The following CTIF variants were observed in gnomAD, a reference collection of about 807,000 sequenced individuals.
CTIF encodes cap binding complex dependent translation initiation factor.
A neutral mutation model predicts 66.0 loss-of-function variants in CTIF; 21 were observed. That is an observed-to-expected ratio of 0.32 (90% confidence interval 0.23 to 0.46). CTIF has a LOEUF of 0.46. CTIF is among the 20% of genes least tolerant of loss of function. The pLI is 1.00. For missense variants in CTIF, 739 were observed against 812.7 expected, an observed-to-expected ratio of 0.91 and a Z score of 1.10; for synonymous variants, 345 against 326.4, an observed-to-expected ratio of 1.06 and a Z score of -0.62.
intron 1 of CTIF, among the ~76,000 whole-genome samples, chr18:48,583,544 CT>C (rs1341178014): frequency 6.6e-6 from 1 of 152,200 alleles, no homozygotes; most frequent in Non-Finnish European, 1.5e-5. Flanking sequence ...CTGCTATGCA[CT>C]CTCCTCACTC....
intron 1 of CTIF, among the ~76,000 whole-genome samples, chr18:48,552,435 C>T (rs2088906844): frequency 6.6e-6 from 1 of 152,172 alleles, no homozygotes; most frequent in Non-Finnish European, 1.5e-5. Flanking sequence ...AGCTTATGAA[C>T]AGGAGAAACT....
At chr18:48,792,339 G>A (rs950833730) in intron 9 of CTIF, among the ~76,000 whole-genome samples, 4 of 152,192 alleles carry the variant, frequency 2.6e-5, no homozygotes, top group Non-Finnish European at 5.9e-5. Flanking sequence ...TCAGGTCAGC[G>A]GGATGCTGGG....
At chr18:48,704,723 G>A (rs897088328) in intron 6 of CTIF, among the ~76,000 whole-genome samples, 2 of 152,176 alleles carry the variant, frequency 1.3e-5, no homozygotes, top group Non-Finnish European at 2.9e-5. Context: ...CCCCACACAT[G>A]CACATTCCAA....
In CTIF at chr18:48,601,440, G is replaced by A. The variant is rs117633828; in HGVS notation, c.-28-18098G>A. ...GGCGTTGCCAGACTTTCTCATAGGC[G>A]ATCTGATGGGAAAGCTGTCCCCCCG... On this transcript the variant is annotated intron_variant, in intron 1 of 11. Coordinates refer to ENST00000256413, the MANE Select transcript of CTIF (RefSeq NM_014772.3). Among the ~76,000 whole-genome samples the A allele has an allele frequency of 1.4e-3, 209 of 152,310 alleles. 1 individual carries two copies. The highest frequency in any genetic ancestry group is 3.7e-3 in the East Asian group (19 of 5,182).
At chr18:48,678,686 C>T (rs372896256) in intron 6 of CTIF, among the ~76,000 whole-genome samples, 1 of 151,206 alleles carries the variant, frequency 6.6e-6, no homozygotes, top group South Asian at 2.1e-4. Flanking sequence ...CCACTGTCTG[C>T]GTCTAGATGG....
intron 1 of CTIF, among the ~76,000 whole-genome samples, chr18:48,570,790 T>C (rs887666313): frequency 6.6e-6 from 1 of 151,868 alleles, no homozygotes; most frequent in African/African-American, 2.4e-5. Context: ...ACTCAGGTTA[T>C]AGGGACCCAG....
chr18:48,571,252 G>A (rs2089409752), intron 1 of CTIF, among the ~76,000 whole-genome samples: 1 of 152,088 alleles, frequency 6.6e-6, no homozygotes, highest in Non-Finnish European at 1.5e-5. Flanking sequence ...TGCCTCCCAG[G>A]TTCAAGCAAT....
chr18:48,637,840 T>C (rs1176235887), intron 3 of CTIF, among the ~76,000 whole-genome samples: 1 of 152,126 alleles, frequency 6.6e-6, no homozygotes, highest in African/African-American at 2.4e-5. Context: ...GTCTCGTTTT[T>C]GTTCTGCCGC....
chr18:48,588,964 G>A lies in CTIF; in HGVS notation c.-28-30574G>A, dbSNP rs73956937. Among the ~76,000 whole-genome samples the A allele has an allele frequency of 6.2e-3, 950 of 152,178 alleles. 9 individuals are homozygous for A. The highest frequency in any genetic ancestry group is 0.022 in the African/African-American group (903 of 41,512). On this transcript the variant is annotated intron_variant, in intron 1 of 11. Transcript: ENST00000256413. ...CCCTCCCTCTCTACATGTACCCGGCGCCCCTGTCTCCCATAATCCTCCAGA... is the reference window on the plus strand; with the variant it reads ...CCCTCCCTCTCTACATGTACCCGGCACCCCTGTCTCCCATAATCCTCCAGA...
chr18:48,820,224 G>A (rs961173091), intron 10 of CTIF, among the ~76,000 whole-genome samples: 1 of 152,190 alleles, frequency 6.6e-6, no homozygotes, highest in Non-Finnish European at 1.5e-5. Flanking sequence ...TTAAAGGGGT[G>A]CCCTACGGAT....
intron 3 of CTIF, among the ~76,000 whole-genome samples, chr18:48,653,223 G>C (rs2091188456): frequency 6.6e-6 from 1 of 152,212 alleles, no homozygotes; most frequent in Non-Finnish European, 1.5e-5. Flanking sequence ...TGTATACTTA[G>C]AAAACCCCAT....
Position 48,861,717 on chromosome 18 carries a change from C to G in CTIF, c.*2158C>G, listed in dbSNP as rs1433775146. 6.6e-6 allele frequency: 1 copy of G among 152,274 alleles called. No homozygotes were observed. Among genetic ancestry groups the G allele is most frequent in the Non-Finnish European group, 1.5e-5 (1 of 68,096 alleles). The allele number at this position is 152,274 out of a possible 1,614,324, so 9.4% of individuals were successfully genotyped here. ...AGAGCAAGCTTCACGCAGGACGCTC[C>G]GAAACACTGTGTGGAGGGGGCTGTG... On this transcript the variant is annotated 3_prime_UTR_variant, in exon 12 of 12. Transcript: ENST00000256413.
chr18:48,690,182 A>G (rs2091905658), intron 6 of CTIF, among the ~76,000 whole-genome samples: 1 of 151,614 alleles, frequency 6.6e-6, no homozygotes, highest in Non-Finnish European at 1.5e-5. Context: ...CTTCACCAAA[A>G]CTCATCAATT....
chr18:48,727,438 T>C (rs2092395785), intron 7 of CTIF, among the ~76,000 whole-genome samples: 2 of 152,222 alleles, frequency 1.3e-5, no homozygotes, highest in African/African-American at 4.8e-5. Flanking sequence ...GATTTGTTGC[T>C]CAGATAGCTT....
At chr18:48,737,553 T>TA (rs1378509876) in intron 7 of CTIF, among the ~76,000 whole-genome samples, 4 of 151,916 alleles carry the variant, frequency 2.6e-5, no homozygotes, top group Non-Finnish European at 2.9e-5. Flanking sequence ...ATCAATTCAT[T>TA]AAAAAAGGTC....
intron 10 of CTIF, among the ~76,000 whole-genome samples, chr18:48,829,734 T>G (rs2068651920): frequency 6.6e-6 from 1 of 152,216 alleles, no homozygotes; most frequent in Non-Finnish European, 1.5e-5. Flanking sequence ...AACGGTGCCC[T>G]GCACTAAGAG....
intron 6 of CTIF, among the ~76,000 whole-genome samples, chr18:48,699,494 C>G (rs57559452): frequency 0.015 from 2,281 of 152,090 alleles, 57 homozygotes; most frequent in African/African-American, 0.052. Context: ...CTGCTTTGGC[C>G]CAAGAGTGTC....
chr18:48,733,376 G>A (rs2092472380), intron 7 of CTIF, among the ~76,000 whole-genome samples: 1 of 152,198 alleles, frequency 6.6e-6, no homozygotes, highest in Non-Finnish European at 1.5e-5. Context: ...TAACCCTGCA[G>A]ATCCAGCCGC....
intron 6 of CTIF, among the ~76,000 whole-genome samples, chr18:48,696,490 T>C (rs1008298318): frequency 6.6e-6 from 1 of 152,148 alleles, no homozygotes; most frequent in Non-Finnish European, 1.5e-5. Context: ...GCCAGACATA[T>C]TGCTCTCTTT....
Sources: gnomAD v4.1 joint callset for allele counts (sites outside exome capture counted in the v4.1 genomes callset) on GRCh38, gnomAD v4.1.1 for gene constraint, MANE v1.5 for transcripts, NCBI Gene and HGNC (gene_info 2026-07-23, HGNC 2026-07-21) for gene names.